Variants in SEZ6L2 observed in about 807,000 individuals in gnomAD.
SEZ6L2 encodes seizure 6-like protein 2.
SEZ6L2 carries 44 observed loss-of-function variants against 97.0 expected under a neutral mutation model. The observed-to-expected ratio is 0.45, with a 90% CI of 0.36 to 0.58. SEZ6L2 has a LOEUF of 0.58. Ranked by LOEUF, SEZ6L2 falls within the 20% of genes least tolerant of loss-of-function variation. The pLI is 0.00. For synonymous variants in SEZ6L2, 543 were observed against 546.1 expected, an observed-to-expected ratio of 0.99 and a Z score of 0.08; for missense variants, 1,086 against 1,233.3, an observed-to-expected ratio of 0.88 and a Z score of 1.79.
Position 29,899,072 on chromosome 16 carries a change from C to A in SEZ6L2, c.-53G>T, listed in dbSNP as rs1408668095. 4.8e-6 allele frequency: 6 copies of A among 1,248,616 alleles called. No individual in the cohort carries two copies. The highest frequency in any genetic ancestry group is 2.4e-5 in the East Asian group (1 of 41,518). The allele number at this position is 1,248,616 out of a possible 1,614,324, so 77.3% of individuals were successfully genotyped here. A position where few individuals can be genotyped will look rare whatever the true frequency, so the allele number is the denominator to read the frequency against. ...GTGCCTCTCTAAGTAATCTGGCTGC[C>A]ACCTTTCCTCCGTCTCCGTTTATCT... is the stretch of plus-strand genomic sequence containing the variant. On this transcript the variant is annotated 5_prime_UTR_variant, in exon 1 of 18. Coordinates refer to ENST00000617533, the MANE Select transcript of SEZ6L2 (RefSeq NM_001243332.2).
At chr16:29,885,821 T>A (rs2068128089) in intron 7 of SEZ6L2, 72 bp from the exon 8 acceptor site, 1 of 1,472,098 alleles carries the variant, frequency 6.8e-7, no homozygotes, top group African/African-American at 1.4e-5. Flanking sequence ...CCTGCTTTCC[T>A]AACTTATTTT....
chr16:29,875,339 G>A (rs940056931), intron 12 of SEZ6L2, among the ~76,000 whole-genome samples: 1 of 152,156 alleles, frequency 6.6e-6, no homozygotes. Context: ...CACTGGACAG[G>A]GACTCAGATA....
chr16:29,872,762 G>A lies in SEZ6L2; in HGVS notation c.2489-19C>T. 1.2e-6 allele frequency: 2 copies of A among 1,604,162 alleles called. No individual in the cohort carries two copies. Among genetic ancestry groups the A allele is most frequent in the Non-Finnish European group, 1.7e-6 (2 of 1,173,962 alleles). ...TAGGCAACTGCAGGGAGAGGAGGGG[G>A]AGGGGATGGGGTCTGAGCCAGGGAG... On this transcript the variant is annotated intron_variant, in intron 14 of 17. Coordinates refer to ENST00000617533, the MANE Select transcript of SEZ6L2 (RefSeq NM_001243332.2).
At chr16:29,880,889 G>T (rs2068016145) in intron 8 of SEZ6L2, among the ~76,000 whole-genome samples, 1 of 151,564 alleles carries the variant, frequency 6.6e-6, no homozygotes, top group Non-Finnish European at 1.5e-5. Flanking sequence ...AGCCTCTCTG[G>T]TAGCTGGGAC....
At chr16:29,884,185 T>C (rs765270342) in intron 8 of SEZ6L2, among the ~76,000 whole-genome samples, 2 of 152,278 alleles carry the variant, frequency 1.3e-5, no homozygotes, top group East Asian at 1.9e-4. Context: ...AGCTCAGTGA[T>C]TGGCTCAGGC....
chr16:29,899,114 T>C lies in SEZ6L2; in HGVS notation c.-95A>G, dbSNP rs1481532964. On this transcript the variant is annotated 5_prime_UTR_variant, in exon 1 of 18. Coordinates refer to ENST00000617533, the MANE Select transcript of SEZ6L2 (RefSeq NM_001243332.2). ...CGTTTATCTTTCCCTTTAATTGTTT[T>C]TTTTTTTTTTTTTTTTTTCCTCGTA... 1 of 409,974 alleles carries C rather than the reference T, an allele frequency of 2.4e-6. No individual in the cohort carries two copies. The highest frequency in any genetic ancestry group is 3.9e-6 in the Non-Finnish European group (1 of 259,136). 25.4% of individuals were successfully genotyped at this position (409,974 alleles called of 1,614,324 possible).
chr16:29,879,793 G>C, intron 9 of SEZ6L2, 71 bp downstream of exon 9: 9 of 1,357,484 alleles, frequency 6.6e-6, no homozygotes, highest in Non-Finnish European at 9.0e-6. Context: ...CTTTCTGAAC[G>C]GCCTTGCTGG....
In SEZ6L2 at chr16:29,879,882, T is replaced by C. The variant is rs1241861023; in HGVS notation, c.1555A>G (p.Thr519Ala). The C allele has an allele frequency of 1.9e-6, 3 of 1,608,854 alleles. No individual in the cohort carries two copies. Among genetic ancestry groups the C allele is most frequent in the South Asian group, 2.2e-5 (2 of 90,846 alleles). Residue 519 changes from threonine to alanine, a missense_variant, in exon 9 of 18, where the codon ACA (threonine) becomes GCA (alanine). By Grantham distance (58) the Thr-to-Ala change is moderately conservative. Around this residue, in one of 2 missense-constraint regions of SEZ6L2, gnomAD observed 776 missense variants for 794.7 expected, o/e 0.98. Coordinates refer to ENST00000617533, the MANE Select transcript of SEZ6L2 (RefSeq NM_001243332.2). The part of the protein sequence containing the change: ...VDPTEPHWND[T>A]EPACKAMCGG... ...GGCTCACCTTTGCAGGCCGGCTCTG[T>C]GTCGTTCCAGTGGGGTTCTGTGGGA...
At chr16:29,885,930 C>T (rs2068130228) in intron 7 of SEZ6L2, 181 bp from the exon 8 acceptor site, 2 of 554,282 alleles carry the variant, frequency 3.6e-6, no homozygotes, top group Admixed American at 6.9e-5. Context: ...TTGAGTCAGA[C>T]ACTATTATTA....
At chr16:29,898,423 TTCTCTC>T (rs112555002) in intron 1 of SEZ6L2, among the ~76,000 whole-genome samples, 10 of 146,706 alleles carry the variant, frequency 6.8e-5, no homozygotes, top group Non-Finnish European at 1.4e-4. Context: ...TGGCTGTCTT[TTCTCTC>T]TCTCTCTCTC....
At chr16:29,883,805 G>A (rs1279679923) in intron 8 of SEZ6L2, among the ~76,000 whole-genome samples, 1 of 152,044 alleles carries the variant, frequency 6.6e-6, no homozygotes, top group Non-Finnish European at 1.5e-5. Flanking sequence ...GGTGCCGAAC[G>A]CTTGTGGTCC....
Position 29,899,259 on chromosome 16 carries a change from T to G in SEZ6L2, c.-240A>C. The G allele has an allele frequency of 8.7e-6, 4 of 460,578 alleles. No homozygotes were observed. Among genetic ancestry groups the G allele is most frequent in the Non-Finnish European group, 1.1e-5 (3 of 261,348 alleles). The allele number at this position is 460,578 out of a possible 1,614,324, so 28.5% of individuals were successfully genotyped here. A position where few individuals can be genotyped will look rare whatever the true frequency, so the allele number is the denominator to read the frequency against. On this transcript the variant is annotated 5_prime_UTR_variant, in exon 1 of 18. Coordinates refer to ENST00000617533, the MANE Select transcript of SEZ6L2 (RefSeq NM_001243332.2). ...CTCCTCTGTCCTCTTCTCGCGGCTC[T>G]GTGGTGGAGGGGGCGCGGCTCCGGC... is the stretch of plus-strand genomic sequence containing the variant.
chr16:29,891,050 T>C (rs1420861386), intron 5 of SEZ6L2, among the ~76,000 whole-genome samples: 2 of 152,094 alleles, frequency 1.3e-5, no homozygotes, highest in Non-Finnish European at 2.9e-5. Flanking sequence ...CAAGCAATTC[T>C]CCGGCCTCAG....
intron 5 of SEZ6L2, among the ~76,000 whole-genome samples, chr16:29,889,206 G>A (rs1282332876): frequency 2.6e-5 from 4 of 152,100 alleles, no homozygotes; most frequent in Non-Finnish European, 4.4e-5. Flanking sequence ...ACTTTTGGAG[G>A]CCGAGGCAGG....
rs1054162696 is a variant in SEZ6L2, at chr16:29,879,361, G to A, written c.1573+503C>T. Among the ~76,000 whole-genome samples the A allele has an allele frequency of 2.0e-5, 3 of 151,810 alleles. No homozygotes were observed. The East Asian group carries it at 5.8e-4, about 30-fold the overall frequency. Reference sequence around the variant, plus strand: ...CTGCCTCAGCCTCCTGAGTAGCTGGGATTACAGGCATGCATCACCATGCCC... The same window carrying A: ...CTGCCTCAGCCTCCTGAGTAGCTGGAATTACAGGCATGCATCACCATGCCC... On this transcript the variant is annotated intron_variant, in intron 9 of 17. Coordinates refer to ENST00000617533, the MANE Select transcript of SEZ6L2 (RefSeq NM_001243332.2).
chr16:29,888,495 G>C, intron 6 of SEZ6L2, 45 bp downstream of exon 6: 1 of 1,588,588 alleles, frequency 6.3e-7, no homozygotes, highest in South Asian at 1.1e-5. Flanking sequence ...CCTCCCAATG[G>C]GGTTCCCAGA....
chr16:29,885,784 C>T (rs1279317291), intron 7 of SEZ6L2, 35 bp from the exon 8 acceptor site: 29 of 1,580,494 alleles, frequency 1.8e-5, no homozygotes, highest in African/African-American at 5.4e-5. Context: ...GGAGCTCAAT[C>T]TCCCTCACAA....
At chr16:29,879,453 G>A (rs1195175241) in intron 9 of SEZ6L2, among the ~76,000 whole-genome samples, 1 of 151,764 alleles carries the variant, frequency 6.6e-6, no homozygotes, top group African/African-American at 2.4e-5. Context: ...TCGAACTCCC[G>A]ACCTCAGGTG....
In SEZ6L2 at chr16:29,896,841, G is replaced by T. The variant is rs775207290; in HGVS notation, c.492C>A (p.Thr164=). Residue 164 remains threonine, a synonymous_variant, in exon 3 of 18, where the codon ACC becomes ACA. Coordinates refer to ENST00000617533, the MANE Select transcript of SEZ6L2 (RefSeq NM_001243332.2). The stretch of plus-strand genomic sequence containing the variant: ...CCTCACCTGGGCTGGTCACCGTAGT[G>T]GTAACAGTTGTCGTGGTGATGATGG... ...TTTIITTTTV[T]TTVTSPVLCN... is the part of the protein sequence containing the mutation. The T allele has an allele frequency of 3.7e-6, 6 of 1,614,044 alleles. No individual in the cohort carries two copies. Among genetic ancestry groups the T allele is most frequent in the Non-Finnish European group, 5.1e-6 (6 of 1,179,962 alleles).
Sources: allele counts gnomAD v4.1 joint callset (sites outside exome capture counted in the v4.1 genomes callset), GRCh38; gene constraint gnomAD v4.1.1; regional missense constraint gnomAD v4.1.1; transcripts MANE v1.5; gene names NCBI Gene and HGNC (gene_info 2026-07-23, HGNC 2026-07-21).